Variants in TMEM132D observed in about 807,000 individuals in gnomAD.
The protein encoded by TMEM132D is transmembrane protein 132D.
A neutral mutation model predicts 62.3 loss-of-function variants in TMEM132D; 21 were observed. That is an observed-to-expected ratio of 0.34 (90% CI 0.24 to 0.49). TMEM132D has a LOEUF of 0.49. Ranked by LOEUF, TMEM132D falls within the 20% of genes least tolerant of loss-of-function variation. The probability of loss-of-function intolerance (pLI) is 0.99; values close to 1 mark genes in which losing one functional copy is unlikely to be tolerated. For missense variants in TMEM132D, 1,346 were observed against 1,402.8 expected (o/e 0.96, Z 0.65); for synonymous variants, 621 against 575.6 (o/e 1.08, Z -1.13).
At chr12:129,331,020 T>C (rs977463873) in intron 4 of TMEM132D, among the ~76,000 whole-genome samples, 12 of 152,030 alleles carry the variant, frequency 7.9e-5, no homozygotes, top group African/African-American at 2.2e-4. Flanking sequence ...GCTGCCCTCA[T>C]TGCGTGCAAG....
intron 3 of TMEM132D, among the ~76,000 whole-genome samples, chr12:129,457,604 GA>G (rs1873516624): frequency 1.3e-5 from 2 of 152,028 alleles, no homozygotes; most frequent in Non-Finnish European, 2.9e-5. Flanking sequence ...TAATAATAAA[GA>G]AAAAAGGTTT....
In TMEM132D at chr12:129,494,781, T is replaced by C. The variant is rs190819413; in HGVS notation, c.1115+36278A>G. On this transcript the variant is annotated intron_variant, in intron 3 of 8. Transcript: ENST00000422113. ...CATCATCCTGGCCTCTGAGTCCCCA[T>C]GTGATCCAATCCTTACCTACCTCTC... is the stretch of plus-strand genomic sequence containing the variant. Among the ~76,000 whole-genome samples the C allele has an allele frequency of 4.8e-3, 729 of 152,258 alleles. 6 individuals carry two copies. The highest frequency in any genetic ancestry group is 7.1e-3 in the Non-Finnish European group (483 of 68,012).
In TMEM132D at chr12:129,827,385, G is replaced by A. The variant is rs2137330322; in HGVS notation, c.79+75876C>T. ...CCCCAGGCAGAACTCTGGAGCACTG[G>A]CTAAAAACTGTAAGCAGCTGAACCA... is the stretch of plus-strand genomic sequence containing the variant. On this transcript the variant is annotated intron_variant, in intron 1 of 8. Transcript: ENST00000422113. The surrounding 1 kb of genome is among the most constrained non-coding windows in gnomAD (Gnocchi z 9.7). 6.6e-6 allele frequency among the ~76,000 whole-genome samples: 1 copy of A among 152,248 alleles called. No individual in the cohort carries two copies. Among genetic ancestry groups the A allele is most frequent in the South Asian group, 2.1e-4 (1 of 4,820 alleles).
intron 5 of TMEM132D, among the ~76,000 whole-genome samples, chr12:129,159,556 A>C (rs2135540179): frequency 6.6e-6 from 1 of 152,254 alleles, no homozygotes; most frequent in Admixed American, 6.5e-5. Flanking sequence ...CAGGAGTTTG[A>C]GACCAGCCTG....
chr12:129,480,602 C>T (rs1566083502), intron 3 of TMEM132D, among the ~76,000 whole-genome samples: 1 of 152,202 alleles, frequency 6.6e-6, no homozygotes, highest in Non-Finnish European at 1.5e-5. Context: ...ATATGACCAT[C>T]TGGTTCTGAG....
chr12:129,111,392 A>G (rs11060140), intron 5 of TMEM132D: 48,645 of 152,074 alleles, frequency 0.32, 9,357 homozygotes, highest in African/African-American at 0.53. Flanking sequence ...TGTGGAAAGT[A>G]ACCTAGGTTT....
chr12:129,223,196 C>T (rs1879392339), intron 4 of TMEM132D, among the ~76,000 whole-genome samples: 1 of 151,944 alleles, frequency 6.6e-6, no homozygotes, highest in African/African-American at 2.4e-5. Context: ...TCACCTCTAG[C>T]TGTATCACCT....
At chr12:129,885,375 A>T (rs1874719124) in intron 1 of TMEM132D, among the ~76,000 whole-genome samples, 1 of 152,242 alleles carries the variant, frequency 6.6e-6, no homozygotes. Context: ...TGTACACACA[A>T]CAGATGGCTT....
intron 2 of TMEM132D, among the ~76,000 whole-genome samples, chr12:129,646,717 A>G (rs1593103550): frequency 6.6e-6 from 1 of 152,118 alleles, no homozygotes; most frequent in East Asian, 1.9e-4. Flanking sequence ...TATATATACA[A>G]TATGTGCAAA....
intron 4 of TMEM132D, among the ~76,000 whole-genome samples, chr12:129,215,829 G>A (rs1282342078): frequency 6.6e-6 from 1 of 152,188 alleles, no homozygotes; most frequent in Non-Finnish European, 1.5e-5. Context: ...GAAGAACAAA[G>A]GCATGTCTTA....
In TMEM132D at chr12:129,545,410, A is replaced by G. The variant is rs187508759; in HGVS notation, c.969-14205T>C. The stretch of plus-strand genomic sequence containing the variant: ...GTTAGAATTTTTTCTTTTATTTTTC[A>G]TTTATTTTTACTTTTTCTTTTATTA... On this transcript the variant is annotated intron_variant, in intron 2 of 8. Coordinates refer to ENST00000422113, the MANE Select transcript of TMEM132D (RefSeq NM_133448.3). Among the ~76,000 whole-genome samples the G allele has an allele frequency of 2.5e-3, 375 of 152,018 alleles. 1 individual carries two copies. Among genetic ancestry groups the G allele is most frequent in the African/African-American group, 8.6e-3 (357 of 41,472 alleles).
chr12:129,573,851 A>G (rs1049396242), intron 2 of TMEM132D, among the ~76,000 whole-genome samples: 8 of 149,794 alleles, frequency 5.3e-5, no homozygotes, highest in Non-Finnish European at 1.0e-4. Context: ...AAGCGTGGAT[A>G]TTGTATCCTT....
intron 3 of TMEM132D, among the ~76,000 whole-genome samples, chr12:129,483,166 G>A (rs967803146): frequency 1.2e-4 from 18 of 152,126 alleles, no homozygotes; most frequent in African/African-American, 3.6e-4. Flanking sequence ...CTGTCATTAC[G>A]CTTCTATCGT....
chr12:129,449,381 C>G (rs1873200036), intron 3 of TMEM132D, among the ~76,000 whole-genome samples: 1 of 152,316 alleles, frequency 6.6e-6, no homozygotes, highest in South Asian at 2.1e-4. Context: ...AACCAACCAG[C>G]TCAGCTTCTA....
In TMEM132D at chr12:129,839,117, A is replaced by ATTTTTTTTTTTTTTTTTT. The variant is rs71085578; in HGVS notation, c.79+64126_79+64143dup. ...AGGCGTCCACCACCACGCCTGGCTA[A>ATTTTTTTTTTTTTTTTTT]TTTTTTTTTTTTTTTTTTTTTTTTT... On this transcript the variant is annotated intron_variant, in intron 1 of 8. Transcript: ENST00000422113. Among the ~76,000 whole-genome samples the ATTTTTTTTTTTTTTTTTT allele has an allele frequency of 1.4e-3, 28 of 20,710 alleles. 6 individuals carry two copies. The highest frequency in any genetic ancestry group is 0.045 in the Middle Eastern group (1 of 22). The allele number at this position is 20,710 out of a possible 152,430, so 13.6% of individuals were successfully genotyped here. A position where few individuals can be genotyped will look rare whatever the true frequency, so the allele number is the denominator to read the frequency against.
intron 5 of TMEM132D, among the ~76,000 whole-genome samples, chr12:129,207,453 T>C (rs1295683528): frequency 1.3e-5 from 2 of 152,276 alleles, no homozygotes; most frequent in East Asian, 1.9e-4. Flanking sequence ...TCAGCAGGGA[T>C]GGGGAAGGCA....
At chr12:129,846,568 T>C (rs1220178229) in intron 1 of TMEM132D, among the ~76,000 whole-genome samples, 1 of 152,184 alleles carries the variant, frequency 6.6e-6, no homozygotes, top group East Asian at 1.9e-4. Context: ...TCCGTTATGA[T>C]ATACCCAGGT....
chr12:129,563,322 A>G (rs1053437418), intron 2 of TMEM132D, among the ~76,000 whole-genome samples: 2 of 152,238 alleles, frequency 1.3e-5, no homozygotes, highest in African/African-American at 4.8e-5. Context: ...TAGAAGGCAT[A>G]CAGCTTTAGT....
intron 1 of TMEM132D, among the ~76,000 whole-genome samples, chr12:129,901,303 A>T (rs1009173898): frequency 4.6e-5 from 7 of 152,232 alleles, no homozygotes; most frequent in Admixed American, 4.6e-4. Context: ...ACATTGGGAA[A>T]AGAATGGCCC....
Sources: allele counts gnomAD v4.1 joint callset (sites outside exome capture counted in the v4.1 genomes callset), GRCh38; gene constraint gnomAD v4.1.1; non-coding constraint Gnocchi (gnomAD v3.1); transcripts MANE v1.5; gene names NCBI Gene and HGNC (gene_info 2026-07-23, HGNC 2026-07-21).